INTS9: variants seen among roughly 807,000 people sequenced by gnomAD.
INTS9 encodes the protein integrator complex subunit 9.
INTS9 carries 55 observed loss-of-function variants against 79.7 expected under a neutral mutation model. The ratio of observed to expected loss-of-function variants is 0.69; its 90% CI spans 0.56 to 0.86. The LOEUF is 0.86. Ranked by LOEUF, INTS9 falls within the 40% of genes least tolerant of loss-of-function variation. The probability of loss-of-function intolerance (pLI) is 0.00; values close to 1 mark genes in which losing one functional copy is unlikely to be tolerated. For missense variants in INTS9, 721 were observed against 831.5 expected (o/e 0.87, Z 1.64); for synonymous variants, 319 against 325.2 (o/e 0.98, Z 0.20).
In INTS9 at chr8:28,889,750, CCA is replaced by C. The variant is rs537689538; in HGVS notation, c.9+122_9+123del. ...AAAAAGCAGCTTTCCTTAGCCCACT[CCA>C]CTTTCCAGCTCAATAATTGCTACCC... On this transcript the variant is annotated intron_variant, in intron 1 of 16. Transcript: ENST00000521022. The C allele has an allele frequency of 5.0e-4, 536 of 1,078,926 alleles. 1 individual carries two copies. The African/African-American group carries it at 7.9e-3, about 16-fold the overall frequency. 66.8% of individuals were successfully genotyped at this position (1,078,926 alleles called of 1,614,324 possible).
chr8:28,832,745 C>T (rs958032013), intron 6 of INTS9, among the ~76,000 whole-genome samples: 3 of 150,742 alleles, frequency 2.0e-5, no homozygotes, highest in African/African-American at 7.5e-5. Context: ...GGGCAGATCA[C>T]GAAGTCAGGA....
At chr8:28,789,944 G>T (rs1018290769) in intron 10 of INTS9, among the ~76,000 whole-genome samples, 2 of 152,112 alleles carry the variant, frequency 1.3e-5, no homozygotes, top group Non-Finnish European at 2.9e-5. Context: ...AGATCAGAGA[G>T]GTCTTTCAAG....
intron 6 of INTS9, among the ~76,000 whole-genome samples, chr8:28,815,407 A>G (rs1311720968): frequency 6.6e-6 from 1 of 152,214 alleles, no homozygotes; most frequent in Non-Finnish European, 1.5e-5. Flanking sequence ...AATAAAAGAA[A>G]ACATCATTTT....
rs761397539 is a variant in INTS9, at chr8:28,775,754, C to A, written c.1563+5G>T. 3.1e-6 allele frequency: 5 copies of A among 1,613,804 alleles called. No individual in the cohort carries two copies. The Admixed American group carries it at 8.3e-5, about 27-fold the overall frequency. ...AGTTTAACCCTAGGAAGGAGAACAG[C>A]TCACCTCTGGCATGATCTCGATCTT... On this transcript the variant is annotated splice_donor_5th_base_variant and intron_variant, in intron 14 of 16. Coordinates refer to ENST00000521022, the MANE Select transcript of INTS9 (RefSeq NM_018250.4).
intron 14 of INTS9, among the ~76,000 whole-genome samples, chr8:28,774,150 T>C (rs773244299): frequency 1.7e-4 from 26 of 152,102 alleles, no homozygotes; most frequent in Admixed American, 3.9e-4. Flanking sequence ...TACTGATAGG[T>C]GAAAAAGACG....
chr8:28,802,946 C>CAA (rs575727940), intron 8 of INTS9, among the ~76,000 whole-genome samples: 1,367 of 65,290 alleles, frequency 0.021, 36 homozygotes, highest in African/African-American at 0.059. Flanking sequence ...CCCGTTTCTA[C>CAA]AAAAAAAAAA....
chr8:28,798,921 C>T (rs1284979713), intron 8 of INTS9, among the ~76,000 whole-genome samples: 1 of 152,210 alleles, frequency 6.6e-6, no homozygotes, highest in Non-Finnish European at 1.5e-5. Context: ...GCTATGTTTG[C>T]ACCACTGCGC....
chr8:28,800,459 C>T (rs1428007726), intron 8 of INTS9, among the ~76,000 whole-genome samples: 1 of 152,164 alleles, frequency 6.6e-6, no homozygotes, highest in Non-Finnish European at 1.5e-5. Context: ...GGATCATGCC[C>T]ACTGACAGAG....
At chr8:28,880,505 C>CTAG (rs1411209132) in intron 1 of INTS9, among the ~76,000 whole-genome samples, 27 of 152,046 alleles carry the variant, frequency 1.8e-4, no homozygotes, top group African/African-American at 6.5e-4. Flanking sequence ...GAGTGATCCG[C>CTAG]CAGCCTCGGC....
chr8:28,774,996 C>T (rs1585327147), intron 14 of INTS9, among the ~76,000 whole-genome samples: 1 of 152,216 alleles, frequency 6.6e-6, no homozygotes, highest in Non-Finnish European at 1.5e-5. Flanking sequence ...AGACCAAAAC[C>T]TGCAAGTATG....
At chr8:28,843,943 G>A (rs1313524199) in intron 4 of INTS9, among the ~76,000 whole-genome samples, 2 of 152,042 alleles carry the variant, frequency 1.3e-5, no homozygotes, top group Non-Finnish European at 2.9e-5. Context: ...GGTTATTCAA[G>A]GTTTATGGTA....
At chr8:28,889,588 C>T (rs1810481639) in intron 1 of INTS9, among the ~76,000 whole-genome samples, 1 of 152,136 alleles carries the variant, frequency 6.6e-6, no homozygotes. Context: ...ACCTGGTTAA[C>T]AGAGCCCACA....
In INTS9 at chr8:28,822,292, G is replaced by C. The variant is rs12542256; in HGVS notation, c.489-8680C>G. Among the ~76,000 whole-genome samples, 397 of 146,896 alleles carry C rather than the reference G, an allele frequency of 2.7e-3. 10 individuals carry two copies. Among genetic ancestry groups the C allele is most frequent in the Admixed American group, 0.025 (365 of 14,712 alleles). On this transcript the variant is annotated intron_variant, in intron 6 of 16. Transcript: ENST00000521022. Reference sequence around the variant, plus strand: ...AGTTGCAGAAAGAACACAGAAAATGGGGGTAGAAAACTTTTTTTTTTAAAC... The same window carrying C: ...AGTTGCAGAAAGAACACAGAAAATGCGGGTAGAAAACTTTTTTTTTTAAAC...
At chr8:28,799,376 T>G (rs1242822160) in intron 8 of INTS9, 2 of 152,248 alleles carry the variant, frequency 1.3e-5, no homozygotes, top group African/African-American at 4.8e-5. Flanking sequence ...CTTCTTCCTT[T>G]GAATGTTAAA....
chr8:28,778,591 C>T (rs1803045332), intron 12 of INTS9, among the ~76,000 whole-genome samples: 1 of 152,112 alleles, frequency 6.6e-6, no homozygotes, highest in Non-Finnish European at 1.5e-5. Context: ...GCCCCTCAGA[C>T]CGGGAAGAGT....
At chr8:28,820,012 T>G (rs1057295886) in intron 6 of INTS9, among the ~76,000 whole-genome samples, 6 of 152,340 alleles carry the variant, frequency 3.9e-5, no homozygotes, top group African/African-American at 1.4e-4. Flanking sequence ...TTGGTAGATC[T>G]TCCTCCATCC....
intron 2 of INTS9, among the ~76,000 whole-genome samples, chr8:28,858,700 T>C (rs1436058484): frequency 6.6e-6 from 1 of 152,246 alleles, no homozygotes; most frequent in East Asian, 1.9e-4. Flanking sequence ...CTCAGTGATG[T>C]CTTCAGGAAT....
rs113721119 is a variant in INTS9, at chr8:28,838,177, T to C, written c.262-401A>G. Among the ~76,000 whole-genome samples, 853 of 151,854 alleles carry C rather than the reference T, an allele frequency of 5.6e-3. 9 individuals are homozygous for C. Among genetic ancestry groups the C allele is most frequent in the African/African-American group, 0.02 (816 of 41,428 alleles). On this transcript the variant is annotated intron_variant, in intron 4 of 16. Coordinates refer to ENST00000521022, the MANE Select transcript of INTS9 (RefSeq NM_018250.4). Reference sequence around the variant, plus strand: ...ATAACACCCCATTGCTACAGATTAATGGGCAACGGGGACGCAGCACACAGA... The same window carrying C: ...ATAACACCCCATTGCTACAGATTAACGGGCAACGGGGACGCAGCACACAGA...
chr8:28,814,281 TTC>T lies in INTS9; in HGVS notation c.489-671_489-670del, dbSNP rs200931184. 4.0e-3 allele frequency among the ~76,000 whole-genome samples: 395 copies of T among 99,108 alleles called. 4 individuals are homozygous for T. The highest frequency in any genetic ancestry group is 0.016 in the African/African-American group (364 of 22,082). The allele number at this position is 99,108 out of a possible 152,430, so 65.0% of individuals were successfully genotyped here. A position where few individuals can be genotyped will look rare whatever the true frequency, so the allele number is the denominator to read the frequency against. ...CTCCTGAAACAACACTGAACAGGGCTTCTCACACACACACACACACACACACA... is the reference window on the plus strand; with the variant it reads ...CTCCTGAAACAACACTGAACAGGGCTTCACACACACACACACACACACACA... On this transcript the variant is annotated intron_variant, in intron 6 of 16. Coordinates refer to ENST00000521022, the MANE Select transcript of INTS9 (RefSeq NM_018250.4).
Sources: gnomAD v4.1 joint callset for allele counts (sites outside exome capture counted in the v4.1 genomes callset) on GRCh38, gnomAD v4.1.1 for gene constraint, MANE v1.5 for transcripts, NCBI Gene and HGNC (gene_info 2026-07-23, HGNC 2026-07-21) for gene names.